SYNRG: variants seen among roughly 807,000 people sequenced by gnomAD.
SYNRG encodes synergin gamma.
SYNRG carries 37 observed loss-of-function variants against 130.9 expected under a neutral mutation model. The observed-to-expected ratio is 0.28, with a 90% CI of 0.22 to 0.37. The LOEUF (loss-of-function observed/expected upper bound fraction) is 0.37, where lower values mean the gene tolerates loss of function less well. Among genes scored for constraint, SYNRG ranks in the 10% least tolerant of loss-of-function variants. SYNRG has a pLI of 1.00. For synonymous variants in SYNRG, 539 were observed against 568.1 expected, an observed-to-expected ratio of 0.95 and a Z score of 0.73; for missense variants, 1,338 against 1,588.9, an observed-to-expected ratio of 0.84 and a Z score of 2.68.
chr17:37,598,217 G>A (rs1371037801), intron 2 of SYNRG, among the ~76,000 whole-genome samples: 1 of 152,156 alleles, frequency 6.6e-6, no homozygotes, highest in East Asian at 1.9e-4. Context: ...AAAAAATAAA[G>A]CAGGGCAAGG....
intron 19 of SYNRG, among the ~76,000 whole-genome samples, chr17:37,534,954 C>A (rs1240742095): frequency 6.6e-6 from 1 of 151,896 alleles, no homozygotes; most frequent in Non-Finnish European, 1.5e-5. Context: ...GGAAGATAAA[C>A]TTCTGACTAT....
chr17:37,590,668 C>T (rs182137145), intron 3 of SYNRG, among the ~76,000 whole-genome samples: 10 of 152,140 alleles, frequency 6.6e-5, no homozygotes, highest in African/African-American at 2.4e-4. Context: ...TGCCTGTAAT[C>T]CCGGCACTTT....
intron 13 of SYNRG, among the ~76,000 whole-genome samples, chr17:37,557,712 T>TG (rs2059219832): frequency 6.6e-6 from 1 of 152,116 alleles, no homozygotes; most frequent in Non-Finnish European, 1.5e-5. Flanking sequence ...GACCCCACTG[T>TG]GGTGATGCAC....
intron 1 of SYNRG, among the ~76,000 whole-genome samples, chr17:37,606,917 A>G (rs924585157): frequency 1.4e-4 from 22 of 152,262 alleles, no homozygotes; most frequent in African/African-American, 5.1e-4. Flanking sequence ...AGGTTGCCAT[A>G]ATGTTAAGTT....
chr17:37,567,536 A>C (rs2060089196), intron 11 of SYNRG: 1 of 152,212 alleles, frequency 6.6e-6, no homozygotes, highest in South Asian at 2.1e-4. Flanking sequence ...TAGAAGGTTT[A>C]ACTTGTGTTG....
chr17:37,583,556 C>A (rs1015644124), intron 6 of SYNRG, among the ~76,000 whole-genome samples: 2 of 152,112 alleles, frequency 1.3e-5, no homozygotes, highest in African/African-American at 4.8e-5. Flanking sequence ...TACAAGGGTT[C>A]AAGATAAAAT....
At chr17:37,596,733 G>A (rs979693422) in intron 2 of SYNRG, among the ~76,000 whole-genome samples, 13 of 152,036 alleles carry the variant, frequency 8.6e-5, no homozygotes, top group Admixed American at 5.9e-4. Flanking sequence ...AGGATACTGT[G>A]GAAATGACAG....
intron 14 of SYNRG, among the ~76,000 whole-genome samples, chr17:37,550,628 T>C (rs1314824554): frequency 6.7e-6 from 1 of 149,024 alleles, no homozygotes; most frequent in African/African-American, 2.5e-5. Context: ...AGGAATATAC[T>C]AAAGTAAATT....
chr17:37,531,692 T>G (rs1182860520), intron 19 of SYNRG, among the ~76,000 whole-genome samples: 1 of 151,986 alleles, frequency 6.6e-6, no homozygotes, highest in Non-Finnish European at 1.5e-5. Context: ...GGTGGGAGAA[T>G]TGCTAGAGCC....
chr17:37,532,376 A>G (rs867836095), intron 19 of SYNRG, among the ~76,000 whole-genome samples: 3 of 152,148 alleles, frequency 2.0e-5, no homozygotes, highest in South Asian at 4.1e-4. Flanking sequence ...AATTGGGCTT[A>G]ATTAGTAGGC....
chr17:37,520,308 A>G, intron 20 of SYNRG, 94 bp from the exon 21 acceptor site: 1 of 1,515,760 alleles, frequency 6.6e-7, no homozygotes, highest in Non-Finnish European at 9.1e-7. Context: ...TTTTCCCCTG[A>G]CCTCCCCACT....
intron 3 of SYNRG, 94 bp from the exon 4 acceptor site, chr17:37,586,643 CTTAT>C: frequency 7.3e-7 from 1 of 1,376,030 alleles, no homozygotes; most frequent in Non-Finnish European, 9.9e-7. Context: ...TCTTAATACT[CTTAT>C]TTGTAAAAAA....
Position 37,542,373 on chromosome 17 carries a change from C to T in SYNRG, c.2801G>A (p.Gly934Asp), listed in dbSNP as rs1365166279. ...TGTCATGGTGATGTTTTCAGAACTG[C>T]CAAATGAAGTCTCTTTCTTTTGAAG... ...SILQKKETSF[G>D]SSENITMTSL... Residue 934 changes from glycine to aspartate, a missense_variant, in exon 15 of 22, where the codon GGC becomes GAC. By Grantham distance (94) the Gly-to-Asp change is moderately conservative. This residue lies in a region of SYNRG where 1,146 missense variants were observed against 1,342.3 expected (regional missense o/e 0.85). Transcript: ENST00000612223. 3.7e-6 allele frequency: 6 copies of T among 1,614,116 alleles called. No individual in the cohort carries two copies. The highest frequency in any genetic ancestry group is 1.6e-4 in the Middle Eastern group (1 of 6,062).
In SYNRG at chr17:37,559,420, T is replaced by C. The variant is rs570483909; in HGVS notation, c.1663+1775A>G. Reference sequence around the variant, plus strand: ...AAAGAAAAAGACTGGCCAAGTGTGGTGGCTCACGCCTGTAATCCCAGCACT... The same window carrying C: ...AAAGAAAAAGACTGGCCAAGTGTGGCGGCTCACGCCTGTAATCCCAGCACT... On this transcript the variant is annotated intron_variant, in intron 13 of 21. Coordinates refer to ENST00000612223, the MANE Select transcript of SYNRG (RefSeq NM_007247.6). Among the ~76,000 whole-genome samples the C allele has an allele frequency of 5.9e-5, 9 of 152,292 alleles. No homozygotes were observed. The South Asian group carries it at 1.9e-3, about 32-fold the overall frequency.
chr17:37,575,021 A>G (rs547513160), intron 8 of SYNRG, among the ~76,000 whole-genome samples: 3 of 152,260 alleles, frequency 2.0e-5, no homozygotes, highest in African/African-American at 7.2e-5. Context: ...ACTGGAGGAC[A>G]CTATATTAAG....
chr17:37,576,972 G>C (rs974299081), intron 7 of SYNRG, among the ~76,000 whole-genome samples: 8 of 152,074 alleles, frequency 5.3e-5, no homozygotes, highest in Non-Finnish European at 1.0e-4. Flanking sequence ...AGATCTTTTA[G>C]GCAGTGGTGC....
chr17:37,598,381 C>T (rs533283303), intron 2 of SYNRG, among the ~76,000 whole-genome samples: 1 of 152,322 alleles, frequency 6.6e-6, no homozygotes, highest in African/African-American at 2.4e-5. Flanking sequence ...GTACAAAGAT[C>T]ACGAGGTGTC....
intron 6 of SYNRG, among the ~76,000 whole-genome samples, chr17:37,580,642 C>G (rs2061255927): frequency 6.6e-6 from 1 of 152,126 alleles, no homozygotes; most frequent in Non-Finnish European, 1.5e-5. Flanking sequence ...TCAAGTGATT[C>G]TTCTGCCTCA....
At chr17:37,608,734 G>C (rs1481773093) in intron 1 of SYNRG, among the ~76,000 whole-genome samples, 1 of 152,122 alleles carries the variant, frequency 6.6e-6, no homozygotes, top group Admixed American at 6.5e-5. Context: ...CTAATTCAGA[G>C]GTCTTTAGAT....
Sources: allele counts gnomAD v4.1 joint callset (sites outside exome capture counted in the v4.1 genomes callset), GRCh38; gene constraint gnomAD v4.1.1; regional missense constraint gnomAD v4.1.1; transcripts MANE v1.5; gene names NCBI Gene and HGNC (gene_info 2026-07-23, HGNC 2026-07-21).